Variants in ST8SIA6 observed in about 807,000 individuals in gnomAD.
ST8SIA6 encodes alpha-2,8-sialyltransferase 8F.
ST8SIA6 carries 39 observed loss-of-function variants against 33.6 expected under a neutral mutation model. That is an observed-to-expected ratio of 1.16 (90% CI 0.90 to 1.52). The LOEUF is 1.52. Ranked by LOEUF, ST8SIA6 falls within the 40% of genes most tolerant of loss-of-function variation. The pLI is 0.00. For synonymous variants in ST8SIA6, 172 were observed against 167.2 expected, an observed-to-expected ratio of 1.03 and a Z score of -0.22; for missense variants, 441 against 443.8, an observed-to-expected ratio of 0.99 and a Z score of 0.06.
chr10:17,352,230 A>G (rs1849057123), intron 4 of ST8SIA6, among the ~76,000 whole-genome samples: 1 of 152,218 alleles, frequency 6.6e-6, no homozygotes, highest in South Asian at 2.1e-4. Flanking sequence ...AAAAGTCCAA[A>G]TTCAATCAGC....
intron 3 of ST8SIA6, among the ~76,000 whole-genome samples, chr10:17,371,489 G>A (rs1406690938): frequency 6.6e-6 from 1 of 152,028 alleles, no homozygotes; most frequent in South Asian, 2.1e-4. Flanking sequence ...AATCTACAGT[G>A]AAGAATGAGA....
chr10:17,332,511 C>G (rs1848333291), intron 4 of ST8SIA6, among the ~76,000 whole-genome samples: 1 of 152,206 alleles, frequency 6.6e-6, no homozygotes, highest in Admixed American at 6.5e-5. Context: ...ATCTCCCACA[C>G]TGGAGTACAG....
intron 6 of ST8SIA6, 93 bp downstream of exon 6, chr10:17,326,921 G>A: frequency 1.1e-6 from 1 of 878,136 alleles, no homozygotes; most frequent in Non-Finnish European, 1.6e-6. Context: ...AGAGCTCAAA[G>A]GTGAAAATAT....
rs144838996 is a variant in ST8SIA6, at chr10:17,335,846, T to G, written c.378-4294A>C. ...CAACATAATAAATTCTCATTTACCT[T>G]TGGCAAACAATTTCTCTAAGGATAT... is the stretch of plus-strand genomic sequence containing the variant. On this transcript the variant is annotated intron_variant, in intron 4 of 7. Transcript: ENST00000377602. Among the ~76,000 whole-genome samples, 97 of 152,344 alleles carry G rather than the reference T, an allele frequency of 6.4e-4. No homozygotes were observed. In the East Asian group the frequency reaches 0.017, roughly 27 times the overall value.
intron 3 of ST8SIA6, among the ~76,000 whole-genome samples, chr10:17,372,212 C>A (rs546288124): frequency 6.6e-6 from 1 of 152,310 alleles, no homozygotes; most frequent in East Asian, 1.9e-4. Context: ...AAGTAGGGTA[C>A]TGCTACGTAA....
intron 3 of ST8SIA6, among the ~76,000 whole-genome samples, chr10:17,360,391 A>T (rs1849341862): frequency 6.6e-6 from 1 of 150,570 alleles, no homozygotes; most frequent in Non-Finnish European, 1.5e-5. Context: ...AAGAAAAATG[A>T]AACCAGACTA....
intron 4 of ST8SIA6, among the ~76,000 whole-genome samples, chr10:17,339,966 G>A (rs541054478): frequency 1.3e-5 from 2 of 152,220 alleles, no homozygotes; most frequent in Non-Finnish European, 2.9e-5. Context: ...TGATCCTGTA[G>A]GAAAGAAAAT....
chr10:17,411,760 T>C (rs1411436758), intron 2 of ST8SIA6, among the ~76,000 whole-genome samples: 1 of 152,204 alleles, frequency 6.6e-6, no homozygotes, highest in African/African-American at 2.4e-5. Flanking sequence ...ACCTGGAGGA[T>C]ATCTGTTCTT....
chr10:17,391,276 T>A (rs1227001133), intron 2 of ST8SIA6, among the ~76,000 whole-genome samples: 1 of 152,070 alleles, frequency 6.6e-6, no homozygotes, highest in Non-Finnish European at 1.5e-5. Flanking sequence ...TATTTATTTA[T>A]TTTTTAGATG....
chr10:17,428,578 C>T (rs1466746314), intron 2 of ST8SIA6, among the ~76,000 whole-genome samples: 1 of 151,830 alleles, frequency 6.6e-6, no homozygotes, highest in Non-Finnish European at 1.5e-5. Context: ...AAGGGCTTCC[C>T]GAGGAAAGCA....
chr10:17,330,693 C>T (rs908379804), intron 5 of ST8SIA6, among the ~76,000 whole-genome samples: 63 of 152,192 alleles, frequency 4.1e-4, no homozygotes, highest in Admixed American at 1.6e-3. Flanking sequence ...CTTGATATGG[C>T]CTAATTGTTT....
At chr10:17,352,734 G>A (rs1849074484) in intron 4 of ST8SIA6, among the ~76,000 whole-genome samples, 1 of 152,070 alleles carries the variant, frequency 6.6e-6, no homozygotes, top group Non-Finnish European at 1.5e-5. Context: ...GTCCCTAAAT[G>A]TGCAAGAGTT....
At chr10:17,334,419 G>C (rs1478525807) in intron 4 of ST8SIA6, among the ~76,000 whole-genome samples, 3 of 151,616 alleles carry the variant, frequency 2.0e-5, no homozygotes, top group Admixed American at 1.3e-4. Flanking sequence ...GGCACCTGTA[G>C]TCCCAGCTAG....
chr10:17,400,655 A>G (rs1395883819), intron 2 of ST8SIA6, among the ~76,000 whole-genome samples: 1 of 152,252 alleles, frequency 6.6e-6, no homozygotes, highest in Non-Finnish European at 1.5e-5. Context: ...AATCCAGCAT[A>G]TAAGCAGAAC....
At chr10:17,413,039 T>G (rs45450794) in intron 2 of ST8SIA6, among the ~76,000 whole-genome samples, 5,930 of 152,254 alleles carry the variant, frequency 0.039, 166 homozygotes, top group South Asian at 0.056. Flanking sequence ...TCCATATAAG[T>G]GCACATTAGT....
intron 2 of ST8SIA6, among the ~76,000 whole-genome samples, chr10:17,450,165 G>A (rs1398037487): frequency 2.0e-5 from 3 of 152,170 alleles, no homozygotes; most frequent in Non-Finnish European, 4.4e-5. Context: ...AGGATCAGAA[G>A]AGAATCTTTG....
intron 2 of ST8SIA6, among the ~76,000 whole-genome samples, chr10:17,395,999 C>T (rs1025068936): frequency 6.6e-6 from 1 of 152,166 alleles, no homozygotes; most frequent in Non-Finnish European, 1.5e-5. Context: ...GAGACCATGG[C>T]GACCCTCATG....
intron 3 of ST8SIA6, among the ~76,000 whole-genome samples, chr10:17,379,954 A>C (rs959553525): frequency 1.3e-5 from 2 of 152,194 alleles, no homozygotes; most frequent in African/African-American, 4.8e-5. Context: ...TTTGGTGCCT[A>C]GTACCAGCAT....
chr10:17,428,464 A>G (rs1392912504), intron 2 of ST8SIA6, among the ~76,000 whole-genome samples: 2 of 152,100 alleles, frequency 1.3e-5, no homozygotes, highest in East Asian at 1.9e-4. Flanking sequence ...ATTGTTCTCA[A>G]TCTACCCTAG....
Sources: allele counts gnomAD v4.1 joint callset (sites outside exome capture counted in the v4.1 genomes callset), GRCh38; gene constraint gnomAD v4.1.1; transcripts MANE v1.5; gene names NCBI Gene and HGNC (gene_info 2026-07-23, HGNC 2026-07-21).